ITSN1: variants seen among roughly 807,000 people sequenced by gnomAD.
The protein encoded by ITSN1 is intersectin 1, also known as intersectin-1.
A neutral mutation model predicts 239.8 loss-of-function variants in ITSN1; 58 were observed. The ratio of observed to expected loss-of-function variants is 0.24; its 90% CI spans 0.20 to 0.30. ITSN1 has a LOEUF of 0.30. Ranked by LOEUF, ITSN1 falls within the 10% of genes least tolerant of loss-of-function variation. ITSN1 has a pLI of 1.00. For synonymous variants in ITSN1, 780 were observed against 770.8 expected, an observed-to-expected ratio of 1.01 and a Z score of -0.20; for missense variants, 1,558 against 2,103.3, an observed-to-expected ratio of 0.74 and a Z score of 5.07.
chr21:33,858,754 C>T lies in ITSN1; in HGVS notation c.3852C>T (p.Asn1284=). The T allele has an allele frequency of 6.2e-7, 1 of 1,613,466 alleles. No individual in the cohort carries two copies. The highest frequency in any genetic ancestry group is 8.5e-7 in the Non-Finnish European group (1 of 1,179,384). Residue 1284 remains asparagine (N), a synonymous_variant, in exon 31 of 40, where the codon AAC becomes AAT. Transcript: ENST00000381318. The part of the protein sequence containing the change: ...TEKEVAMIFV[N]WKELIMCNIK... ...AAGAGGTTGCTATGATTTTTGTGAA[C>T]TGGAAGGAGCTGATTATGTGTAATA...
chr21:33,848,893 C>T (rs1466020848), intron 29 of ITSN1, among the ~76,000 whole-genome samples: 2 of 152,242 alleles, frequency 1.3e-5, no homozygotes, highest in Admixed American at 6.5e-5. Flanking sequence ...TTCCTCCTCC[C>T]CTGCTAAATA....
intron 6 of ITSN1, 30 bp downstream of exon 6, chr21:33,750,352 G>T: frequency 6.3e-7 from 1 of 1,588,738 alleles, no homozygotes; most frequent in Non-Finnish European, 8.6e-7. Context: ...CATAGGCTGA[G>T]TTTTTACTAC....
At chr21:33,722,701 A>G in intron 4 of ITSN1, 50 bp downstream of exon 4, 1 of 1,503,068 alleles carries the variant, frequency 6.7e-7, no homozygotes, top group Non-Finnish European at 8.9e-7. Flanking sequence ...GGCAAAATAA[A>G]ATATCGTTTT....
At chr21:33,769,520 C>T (rs1047997497) in intron 11 of ITSN1, among the ~76,000 whole-genome samples, 12 of 152,122 alleles carry the variant, frequency 7.9e-5, no homozygotes, top group Admixed American at 1.3e-4. Flanking sequence ...TATCTCTCAC[C>T]GTTCTGGAGG....
intron 28 of ITSN1, among the ~76,000 whole-genome samples, chr21:33,836,128 G>A (rs76804152): frequency 0.019 from 2,822 of 152,300 alleles, 33 homozygotes; most frequent in South Asian, 0.035. Context: ...TCAGCAGTAG[G>A]AAGGAGTTCC....
At chr21:33,733,125 A>G (rs974351817) in intron 4 of ITSN1, among the ~76,000 whole-genome samples, 14 of 152,160 alleles carry the variant, frequency 9.2e-5, no homozygotes, top group African/African-American at 3.4e-4. Flanking sequence ...GGGGGAAAAA[A>G]AACCTTCCCA....
intron 1 of ITSN1, among the ~76,000 whole-genome samples, chr21:33,679,841 G>A (rs1330422212): frequency 6.6e-6 from 1 of 151,402 alleles, no homozygotes; most frequent in Non-Finnish European, 1.5e-5. Context: ...GGGACTACAG[G>A]TGCCCGCCCC....
intron 34 of ITSN1, among the ~76,000 whole-genome samples, chr21:33,878,072 G>A (rs1030649908): frequency 6.6e-6 from 1 of 150,590 alleles, no homozygotes; most frequent in Non-Finnish European, 1.5e-5. Flanking sequence ...GTCTCACTCT[G>A]TTGCCCAGGC....
rs193197198 is a variant in ITSN1, at chr21:33,670,235, G to A, written c.-33+27522G>A. 1.2e-3 allele frequency among the ~76,000 whole-genome samples: 190 copies of A among 152,192 alleles called. 1 individual carries two copies. The highest frequency in any genetic ancestry group is 4.3e-3 in the African/African-American group (180 of 41,540). On this transcript the variant is annotated intron_variant, in intron 1 of 39. Transcript: ENST00000381318. Reference sequence around the variant, plus strand: ...CCAGGGGTGGTGACATGTGCCTGTGGTTCCAGCTATGTGGGAGGCTGAGGT... The same window carrying A: ...CCAGGGGTGGTGACATGTGCCTGTGATTCCAGCTATGTGGGAGGCTGAGGT...
chr21:33,702,258 A>G (rs1568975584), intron 1 of ITSN1, among the ~76,000 whole-genome samples: 2 of 151,588 alleles, frequency 1.3e-5, no homozygotes, highest in Non-Finnish European at 2.9e-5. Context: ...CTGGGATTAC[A>G]GGTGCTCACC....
rs543897340 is a variant in ITSN1, at chr21:33,779,107, A to G, written c.1597-2354A>G. Among the ~76,000 whole-genome samples, 3 of 131,790 alleles carry G rather than the reference A, an allele frequency of 2.3e-5. No homozygotes were observed. In the East Asian group the frequency reaches 6.7e-4, roughly 29 times the overall value. 86.5% of individuals were successfully genotyped at this position (131,790 alleles called of 152,430 possible). On this transcript the variant is annotated intron_variant, in intron 14 of 39. Transcript: ENST00000381318. Reference sequence around the variant, plus strand: ...TTTTAAAAAATAAGTTCTTGGCTCTATTGATTTTTTTTTTTTTAGTAAGCC... The same window carrying G: ...TTTTAAAAAATAAGTTCTTGGCTCTGTTGATTTTTTTTTTTTTAGTAAGCC...
intron 16 of ITSN1, among the ~76,000 whole-genome samples, chr21:33,783,531 C>T (rs1232513285): frequency 6.6e-6 from 1 of 152,030 alleles, no homozygotes; most frequent in African/African-American, 2.4e-5. Context: ...GTTCTATATT[C>T]ATGCATATAT....
chr21:33,881,339 G>A (rs1331015183), intron 34 of ITSN1, among the ~76,000 whole-genome samples: 2 of 151,394 alleles, frequency 1.3e-5, no homozygotes, highest in South Asian at 2.1e-4. Flanking sequence ...CCCGGGAGGC[G>A]GAGCTTGCAG....
At chr21:33,811,340 C>A in intron 21 of ITSN1, 118 bp downstream of exon 21, 1 of 937,860 alleles carries the variant, frequency 1.1e-6, no homozygotes, top group Non-Finnish European at 1.6e-6. Context: ...GGAGCTGGCT[C>A]ATTTTCAGTA....
At chr21:33,751,761 A>C (rs761986711) in intron 6 of ITSN1, 49 bp from the exon 7 acceptor site, 1 of 1,397,288 alleles carries the variant, frequency 7.2e-7, no homozygotes, top group Non-Finnish European at 1.0e-6. Context: ...AATTGGGGAA[A>C]GTTTCTTATC....
chr21:33,679,900 G>T (rs528901927), intron 1 of ITSN1, among the ~76,000 whole-genome samples: 1 of 151,844 alleles, frequency 6.6e-6, no homozygotes, highest in East Asian at 1.9e-4. Flanking sequence ...AGGTTTCACC[G>T]TGTTAGCCAG....
chr21:33,788,159 G>A (rs972267010), intron 16 of ITSN1, among the ~76,000 whole-genome samples: 2 of 152,170 alleles, frequency 1.3e-5, no homozygotes, highest in Non-Finnish European at 1.5e-5. Flanking sequence ...AATGGAATCA[G>A]TTTTCTCTTT....
intron 1 of ITSN1, among the ~76,000 whole-genome samples, chr21:33,647,612 T>C (rs914007060): frequency 1.6e-4 from 25 of 152,098 alleles, no homozygotes; most frequent in African/African-American, 6.0e-4. Context: ...TCTCTTGCCT[T>C]AGCCTCCTGA....
intron 1 of ITSN1, among the ~76,000 whole-genome samples, chr21:33,717,442 C>T (rs1258348776): frequency 6.6e-6 from 1 of 152,026 alleles, no homozygotes; most frequent in Non-Finnish European, 1.5e-5. Flanking sequence ...AGTGATCTGC[C>T]CGACTCAGCC....
Sources: allele counts gnomAD v4.1 joint callset (sites outside exome capture counted in the v4.1 genomes callset), GRCh38; gene constraint gnomAD v4.1.1; transcripts MANE v1.5; gene names NCBI Gene and HGNC (gene_info 2026-07-23, HGNC 2026-07-21).